Variants in KAT2B observed in about 807,000 individuals in gnomAD.
The protein encoded by KAT2B is histone acetyltransferase KAT2B.
Under a neutral mutation model 105.9 loss-of-function variants are expected in KAT2B, and 36 were observed. The ratio of observed to expected loss-of-function variants is 0.34; its 90% CI spans 0.26 to 0.45. The LOEUF (loss-of-function observed/expected upper bound fraction) is 0.45. Ranked by LOEUF, KAT2B falls within the 20% of genes least tolerant of loss-of-function variation. KAT2B has a pLI of 1.00. For missense variants in KAT2B, 820 were observed against 1,021.6 expected (o/e 0.80, Z 2.69); for synonymous variants, 397 against 377.9 (o/e 1.05, Z -0.59).
At chr3:20,074,208 C>T (rs1698378645) in intron 2 of KAT2B, among the ~76,000 whole-genome samples, 1 of 152,146 alleles carries the variant, frequency 6.6e-6, no homozygotes, top group Admixed American at 6.6e-5. Context: ...TGTTTTCTGG[C>T]CTTACTTACG....
At chr3:20,057,269 AAC>A (rs1698017675) in intron 1 of KAT2B, among the ~76,000 whole-genome samples, 1 of 152,144 alleles carries the variant, frequency 6.6e-6, no homozygotes, top group African/African-American at 2.4e-5. Context: ...CTTTTTGTAA[AAC>A]TGACTGGGCA....
chr3:20,068,946 A>G (rs1256192807), intron 1 of KAT2B, among the ~76,000 whole-genome samples: 2 of 152,180 alleles, frequency 1.3e-5, no homozygotes, highest in Non-Finnish European at 2.9e-5. Context: ...GGAAGTAGCT[A>G]TGCGGCAACT....
At chr3:20,127,328 G>A in intron 10 of KAT2B, 95 bp from the exon 11 acceptor site, 1 of 1,073,270 alleles carries the variant, frequency 9.3e-7, no homozygotes, top group South Asian at 1.5e-5. Context: ...CTTAGGACAT[G>A]TCCCTCTTTC....
At chr3:20,145,043 C>T (rs1268365189) in intron 13 of KAT2B, among the ~76,000 whole-genome samples, 1 of 152,236 alleles carries the variant, frequency 6.6e-6, no homozygotes, top group African/African-American at 2.4e-5. Context: ...GTGATCCACC[C>T]ACCTCGGCCT....
chr3:20,059,969 A>G (rs1236972376), intron 1 of KAT2B, among the ~76,000 whole-genome samples: 1 of 152,132 alleles, frequency 6.6e-6, no homozygotes, highest in Non-Finnish European at 1.5e-5. Flanking sequence ...GGTCATGTAA[A>G]TGGAAGTATA....
Position 20,146,430 on chromosome 3 carries a change from A to G in KAT2B, c.2119A>G (p.Arg707Gly). 6.4e-7 allele frequency: 1 copy of G among 1,567,750 alleles called. No individual in the cohort carries two copies. Among genetic ancestry groups the G allele is most frequent in the Non-Finnish European group, 8.8e-7 (1 of 1,138,196 alleles). ...TCCTATAGAAAGCATTCCTGGAATT[A>G]GTACGTATAGACCTTCTTTTAAAAG... ...QIPIESIPGIRETGWKPSGKE... is the reference protein window; with the variant it reads ...QIPIESIPGIGETGWKPSGKE... The change falls in exon 14 of 18, where the codon AGA (arginine) becomes GGA (glycine). Residue 707 changes from arginine (R) to glycine (G), a missense_variant and splice_region_variant. Around this residue, in one of 6 missense-constraint regions of KAT2B, gnomAD observed 227 missense variants for 292.9 expected, o/e 0.77. Transcript: ENST00000263754.
intron 9 of KAT2B, among the ~76,000 whole-genome samples, chr3:20,124,171 T>C (rs1347649104): frequency 6.6e-6 from 1 of 152,194 alleles, no homozygotes; most frequent in Non-Finnish European, 1.5e-5. Flanking sequence ...TTAGTAACAT[T>C]ACAGATTAGC....
At chr3:20,072,649 T>A (rs1296548872) in intron 2 of KAT2B, among the ~76,000 whole-genome samples, 190 bp downstream of exon 2, 1 of 152,220 alleles carries the variant, frequency 6.6e-6, no homozygotes, top group Non-Finnish European at 1.5e-5. Context: ...CTGCACTGTG[T>A]GCAGTGACTT....
chr3:20,133,664 A>G (rs1159130827), intron 11 of KAT2B, among the ~76,000 whole-genome samples: 3 of 152,228 alleles, frequency 2.0e-5, no homozygotes, highest in Admixed American at 6.5e-5. Context: ...CAGAATTCCT[A>G]TATGAATGAA....
chr3:20,149,974 C>T (rs932510511), intron 17 of KAT2B, among the ~76,000 whole-genome samples: 3 of 152,240 alleles, frequency 2.0e-5, no homozygotes, highest in Non-Finnish European at 4.4e-5. Context: ...TGTGCACATG[C>T]ACTCTGATGA....
Position 20,092,630 on chromosome 3 carries a change from T to G in KAT2B, c.431-2633T>G, listed in dbSNP as rs1206224517. 5.3e-5 allele frequency among the ~76,000 whole-genome samples: 8 copies of G among 152,088 alleles called. No individual in the cohort carries two copies. In the East Asian group the frequency reaches 1.4e-3, roughly 26 times the overall value. Reference sequence around the variant, plus strand: ...ACATTAGGTACATGTGTATTTACAGTTGTTATATCCTCTTGATGAATTGAT... The same window carrying G: ...ACATTAGGTACATGTGTATTTACAGGTGTTATATCCTCTTGATGAATTGAT... On this transcript the variant is annotated intron_variant, in intron 2 of 17. Coordinates refer to ENST00000263754, the MANE Select transcript of KAT2B (RefSeq NM_003884.5).
intron 17 of KAT2B, 90 bp from the exon 18 acceptor site, chr3:20,152,242 C>T: frequency 1.2e-6 from 1 of 804,126 alleles, no homozygotes; most frequent in Non-Finnish European, 1.9e-6. Flanking sequence ...GTAATCAAAC[C>T]AACAACATAG....
intron 14 of KAT2B, 149 bp from the exon 15 acceptor site, chr3:20,147,814 A>G: frequency 1.5e-6 from 1 of 669,022 alleles, no homozygotes; most frequent in Non-Finnish European, 2.6e-6. Context: ...GGTATAAGGA[A>G]GTAACTAATT....
chr3:20,104,891 T>G (rs1015893882), intron 5 of KAT2B, among the ~76,000 whole-genome samples: 3 of 22,324 alleles, frequency 1.3e-4, no homozygotes, highest in African/African-American at 4.0e-4. Context: ...TGTTTTTTTG[T>G]TTTTTTTTTT....
In KAT2B at chr3:20,040,726, C is replaced by A; in HGVS notation, c.249C>A (p.Arg83=). 1 of 1,596,666 alleles carries A rather than the reference C, an allele frequency of 6.3e-7. No homozygotes were observed. The highest frequency in any genetic ancestry group is 8.5e-7 in the Non-Finnish European group (1 of 1,174,366). ...TCGCCGTGAAGAAAGCGCAACTACG[C>A]TCCGCTCCGCGGGCCAAGAAACTGG... The part of the protein sequence containing the change: ...ARIAVKKAQL[R]SAPRAKKLEK... The change falls in exon 1 of 18, where the codon CGC becomes CGA. Residue 83 remains arginine, a synonymous_variant. Transcript: ENST00000263754.
chr3:20,082,148 C>A (rs1356953844), intron 2 of KAT2B, among the ~76,000 whole-genome samples: 1 of 151,950 alleles, frequency 6.6e-6, no homozygotes, highest in African/African-American at 2.4e-5. Context: ...GATTCTCATG[C>A]CTCAGCCTCC....
chr3:20,066,060 T>A (rs910531241), intron 1 of KAT2B, among the ~76,000 whole-genome samples: 1 of 152,134 alleles, frequency 6.6e-6, no homozygotes, highest in Non-Finnish European at 1.5e-5. Context: ...GATCAAGATG[T>A]CATCTGGGCC....
At chr3:20,066,140 A>G (rs1033996870) in intron 1 of KAT2B, among the ~76,000 whole-genome samples, 16 of 151,930 alleles carry the variant, frequency 1.1e-4, no homozygotes, top group Admixed American at 6.6e-4. Flanking sequence ...GTGCTTGGCA[A>G]TCCTTGGCAT....
intron 2 of KAT2B, among the ~76,000 whole-genome samples, chr3:20,078,783 C>G (rs1054412791): frequency 4.6e-5 from 7 of 151,496 alleles, no homozygotes; most frequent in African/African-American, 1.7e-4. Context: ...TGCTTGTTTA[C>G]AGTAGGGAAT....
Sources: gnomAD v4.1 joint callset for allele counts (sites outside exome capture counted in the v4.1 genomes callset) on GRCh38, gnomAD v4.1.1 for gene constraint, gnomAD v4.1.1 regional missense constraint, MANE v1.5 for transcripts, NCBI Gene and HGNC (gene_info 2026-07-23, HGNC 2026-07-21) for gene names.